The following EDIL3 variants were observed in gnomAD, a reference collection of about 807,000 sequenced individuals.
The protein encoded by EDIL3 is EGF like and discoidin domains 3.
A neutral mutation model predicts 67.4 loss-of-function variants in EDIL3; 37 were observed. That is an observed-to-expected ratio of 0.55 (90% CI 0.42 to 0.72). The LOEUF (loss-of-function observed/expected upper bound fraction) is 0.72. Ranked by LOEUF, EDIL3 falls within the 30% of genes least tolerant of loss-of-function variation. EDIL3 has a pLI of 0.00. For synonymous variants in EDIL3, 195 were observed against 196.3 expected, an observed-to-expected ratio of 0.99 and a Z score of 0.05; for missense variants, 527 against 586.3, an observed-to-expected ratio of 0.90 and a Z score of 1.04.
chr5:84,375,349 T>C (rs765272655), intron 1 of EDIL3, among the ~76,000 whole-genome samples: 4 of 152,220 alleles, frequency 2.6e-5, no homozygotes, highest in African/African-American at 4.8e-5. Context: ...CTTAAAATGA[T>C]TGCAGTTTGA....
rs185686765 is a variant in EDIL3 at position 84,095,189 on chromosome 5, T to C, written c.651+11460A>G. ...ATATTTTTACTGTGAAGTCTGAGCA[T>C]GACCTGCACTAGGCCTGTGGAGCAA... is the stretch of plus-strand genomic sequence containing the variant. On this transcript the variant is annotated intron_variant, in intron 6 of 10. Coordinates refer to ENST00000296591, the MANE Select transcript of EDIL3 (RefSeq NM_005711.5). Among the ~76,000 whole-genome samples, 16 of 152,338 alleles carry C rather than the reference T, an allele frequency of 1.1e-4. 1 individual carries two copies. Among genetic ancestry groups the C allele is most frequent in the Non-Finnish European group, 2.9e-5 (2 of 68,042 alleles).
chr5:84,322,782 A>G lies in EDIL3; in HGVS notation c.67+61526T>C, dbSNP rs140139540. ...CAAAACACATTATAATAAAACTTTGAAAAGAAAAAGGCAAATAGAAAATTT... is the reference window on the plus strand; with the variant it reads ...CAAAACACATTATAATAAAACTTTGGAAAGAAAAAGGCAAATAGAAAATTT... On this transcript the variant is annotated intron_variant, in intron 1 of 10. Coordinates refer to ENST00000296591, the MANE Select transcript of EDIL3 (RefSeq NM_005711.5). Among the ~76,000 whole-genome samples the G allele has an allele frequency of 1.2e-4, 18 of 152,220 alleles. No individual in the cohort carries two copies. In the East Asian group the frequency reaches 3.3e-3, roughly 28 times the overall value.
At chr5:84,170,589 G>C (rs1214350528) in intron 4 of EDIL3, among the ~76,000 whole-genome samples, 3 of 152,038 alleles carry the variant, frequency 2.0e-5, no homozygotes, top group African/African-American at 7.2e-5. Context: ...CTTTAGGGGA[G>C]AATGAAATCC....
chr5:84,044,142 G>C (rs1746180199), intron 9 of EDIL3, among the ~76,000 whole-genome samples: 1 of 152,046 alleles, frequency 6.6e-6, no homozygotes, highest in African/African-American at 2.4e-5. Flanking sequence ...CCACTTATGA[G>C]TGAGAATATG....
At chr5:84,237,392 G>C (rs1264400093) in intron 2 of EDIL3, among the ~76,000 whole-genome samples, 1 of 151,780 alleles carries the variant, frequency 6.6e-6, no homozygotes, top group Non-Finnish European at 1.5e-5. Context: ...TAAGAGTGTT[G>C]TCAAAAAAAA....
At chr5:84,094,215 C>T (rs1291727700) in intron 6 of EDIL3, among the ~76,000 whole-genome samples, 1 of 152,050 alleles carries the variant, frequency 6.6e-6, no homozygotes, top group African/African-American at 2.4e-5. Flanking sequence ...TGTTTAAAAA[C>T]ACACAACTAT....
chr5:83,989,388 A>G (rs911203103), intron 9 of EDIL3, among the ~76,000 whole-genome samples: 1 of 152,180 alleles, frequency 6.6e-6, no homozygotes, highest in Non-Finnish European at 1.5e-5. Flanking sequence ...AGTGCTACAC[A>G]ACAGAGAAGG....
At chr5:84,115,198 T>C (rs904989286) in intron 5 of EDIL3, among the ~76,000 whole-genome samples, 19 of 152,160 alleles carry the variant, frequency 1.2e-4, no homozygotes, top group African/African-American at 4.3e-4. Flanking sequence ...TAAAAATATA[T>C]AAGAATCAGC....
intron 1 of EDIL3, among the ~76,000 whole-genome samples, chr5:84,357,535 A>AC (rs1266869527): frequency 7.2e-5 from 11 of 151,948 alleles, no homozygotes; most frequent in Non-Finnish European, 1.5e-4. Flanking sequence ...TTAACCCTGC[A>AC]CCCCCTTTCC....
chr5:84,356,683 G>C (rs755646046), intron 1 of EDIL3, among the ~76,000 whole-genome samples: 2 of 152,038 alleles, frequency 1.3e-5, no homozygotes, highest in Admixed American at 6.6e-5. Context: ...GAACAGGTTC[G>C]GGGAAGGACA....
At chr5:84,207,317 T>C (rs987386281) in intron 3 of EDIL3, among the ~76,000 whole-genome samples, 4 of 152,006 alleles carry the variant, frequency 2.6e-5, no homozygotes, top group African/African-American at 9.7e-5. Flanking sequence ...GAGAATAAAA[T>C]ACTTAGGAAT....
At chr5:84,064,902 T>TA (rs2112239854) in intron 7 of EDIL3, 58 bp from the exon 8 acceptor site, 1 of 1,556,934 alleles carries the variant, frequency 6.4e-7, no homozygotes, top group South Asian at 1.2e-5. Flanking sequence ...TATTTTTACA[T>TA]ATTTACCCTA....
chr5:84,081,277 C>A (rs1481536933), intron 6 of EDIL3, among the ~76,000 whole-genome samples: 1 of 152,166 alleles, frequency 6.6e-6, no homozygotes, highest in Non-Finnish European at 1.5e-5. Flanking sequence ...TCACCCACAG[C>A]TACACATTCA....
At chr5:84,106,390 T>C (rs1288494625) in intron 6 of EDIL3, among the ~76,000 whole-genome samples, 1 of 152,032 alleles carries the variant, frequency 6.6e-6, no homozygotes, top group African/African-American at 2.4e-5. Context: ...AGTCTCCTGC[T>C]TTGATATGCA....
At chr5:84,196,446 T>C (rs1743704575) in intron 3 of EDIL3, among the ~76,000 whole-genome samples, 1 of 152,036 alleles carries the variant, frequency 6.6e-6, no homozygotes. Flanking sequence ...CTTATTGTGA[T>C]CTTGTTTTCT....
At chr5:84,265,259 T>C (rs573805009) in intron 1 of EDIL3, among the ~76,000 whole-genome samples, 1 of 152,326 alleles carries the variant, frequency 6.6e-6, no homozygotes, top group South Asian at 2.1e-4. Flanking sequence ...ACGGGTATCT[T>C]TTACTGTTGA....
chr5:83,969,309 A>C (rs1176962640), intron 9 of EDIL3, among the ~76,000 whole-genome samples: 2 of 151,734 alleles, frequency 1.3e-5, no homozygotes, highest in African/African-American at 4.8e-5. Context: ...TAGTCCTTTC[A>C]TCCTGGGCCA....
intron 1 of EDIL3, among the ~76,000 whole-genome samples, chr5:84,359,090 G>A (rs547993542): frequency 1.8e-4 from 28 of 152,044 alleles, no homozygotes; most frequent in Non-Finnish European, 2.8e-4. Flanking sequence ...TTACTGCTCC[G>A]TCCCACCCAC....
intron 5 of EDIL3, among the ~76,000 whole-genome samples, chr5:84,123,631 A>C (rs1448513296): frequency 2.0e-5 from 3 of 151,942 alleles, no homozygotes; most frequent in South Asian, 4.1e-4. Flanking sequence ...TGACTAATTA[A>C]TAACATGAAT....
Sources: allele counts gnomAD v4.1 joint callset (sites outside exome capture counted in the v4.1 genomes callset), GRCh38; gene constraint gnomAD v4.1.1; transcripts MANE v1.5; gene names NCBI Gene and HGNC (gene_info 2026-07-23, HGNC 2026-07-21).